MYOM2: variants seen among roughly 807,000 people sequenced by gnomAD.
MYOM2 encodes myomesin 2.
Under a neutral mutation model 187.6 loss-of-function variants are expected in MYOM2, and 254 were observed. The observed-to-expected ratio is 1.35, with a 90% CI of 1.22 to 1.50. The LOEUF (loss-of-function observed/expected upper bound fraction) is 1.50. MYOM2 is among the 40% of genes most tolerant of loss of function. The pLI, the probability that MYOM2 is intolerant of heterozygous loss-of-function variation, is 0.00. For synonymous variants in MYOM2, 981 were observed against 753.8 expected (o/e 1.30, Z -4.94); for missense variants, 2,796 against 1,924.0 (o/e 1.45, Z -8.48).
At position 2,052,182 on chromosome 8, in the gene MYOM2, C is replaced by A; in HGVS notation, c.132C>A (p.Ser44=). ...GGCGAGCTTCCACCCAGGCATCTTC[C>A]CAGAAGTCCTTGAGTCAGCGGTCGT... is the stretch of plus-strand genomic sequence containing the variant. The part of the protein sequence containing the change: ...SKKRASTQAS[S]QKSLSQRSSS... Residue 44 remains serine (S), a synonymous_variant, in exon 3 of 37, where the codon TCC becomes TCA. Transcript: ENST00000262113. 6.2e-7 allele frequency: 1 copy of A among 1,613,550 alleles called. No homozygotes were observed. Among genetic ancestry groups the A allele is most frequent in the East Asian group, 2.2e-5 (1 of 44,850 alleles).
intron 23 of MYOM2, among the ~76,000 whole-genome samples, chr8:2,108,039 A>T (rs1273537223): frequency 1.3e-5 from 2 of 152,182 alleles, no homozygotes; most frequent in Non-Finnish European, 2.9e-5. Flanking sequence ...TCCCTGTGAA[A>T]CCAGTTGCCA....
At chr8:2,109,608 A>C in intron 25 of MYOM2, 77 bp downstream of exon 25, 1 of 1,446,540 alleles carries the variant, frequency 6.9e-7, no homozygotes, top group East Asian at 2.4e-5. Context: ...CTGAATATCA[A>C]CATTCTCTGT....
At chr8:2,136,713 C>G (rs939479158) in intron 32 of MYOM2, among the ~76,000 whole-genome samples, 9 of 152,168 alleles carry the variant, frequency 5.9e-5, no homozygotes, top group African/African-American at 1.9e-4. Context: ...ACATTTACAG[C>G]TATTTTATGA....
rs1299264001 is a variant in MYOM2 at position 2,059,088 on chromosome 8, G to T, written c.561-65G>T. On this transcript the variant is annotated intron_variant, in intron 5 of 36. Transcript: ENST00000262113. ...GGGCAGCAGGCGCGGGGGAGCTGGG[G>T]CAGAATTGCACACACACAAAATACA... 2.9e-6 allele frequency: 4 copies of T among 1,393,210 alleles called. No individual in the cohort carries two copies. The Admixed American group carries it at 6.9e-5, about 24-fold the overall frequency. 86.3% of individuals were successfully genotyped at this position (1,393,210 alleles called of 1,614,324 possible).
intron 14 of MYOM2, 27 bp from the exon 15 acceptor site, chr8:2,089,981 C>G (rs1031464158): frequency 1.2e-6 from 2 of 1,610,186 alleles, no homozygotes; most frequent in African/African-American, 2.7e-5. Context: ...TTTTCACTGC[C>G]AGTCTCGTTT....
At chr8:2,106,829 T>C (rs1796910217) in intron 23 of MYOM2, among the ~76,000 whole-genome samples, 1 of 152,226 alleles carries the variant, frequency 6.6e-6, no homozygotes, top group African/African-American at 2.4e-5. Flanking sequence ...TGTATAGCCT[T>C]CAATTTGTAC....
chr8:2,068,365 C>A (rs977688433), intron 6 of MYOM2, among the ~76,000 whole-genome samples: 3 of 148,712 alleles, frequency 2.0e-5, no homozygotes, highest in Non-Finnish European at 4.4e-5. Flanking sequence ...CCCGTGTGCA[C>A]CAGGCGGAGA....
At chr8:2,128,646 G>A (rs1397577267) in intron 31 of MYOM2, among the ~76,000 whole-genome samples, 2 of 152,106 alleles carry the variant, frequency 1.3e-5, no homozygotes, top group South Asian at 4.1e-4. Context: ...GGTTTCTTCT[G>A]CTTTCCTTCC....
rs890010094 is a variant in MYOM2 at position 2,050,703 on chromosome 8, G to C, written c.-12-52G>C. 3.8e-6 allele frequency: 4 copies of C among 1,046,492 alleles called. No homozygotes were observed. In the African/African-American group the frequency reaches 4.7e-5, roughly 12 times the overall value. 64.8% of individuals were successfully genotyped at this position (1,046,492 alleles called of 1,614,324 possible). A position where few individuals can be genotyped will look rare whatever the true frequency, so the allele number is the denominator to read the frequency against. The stretch of plus-strand genomic sequence containing the variant: ...TTGGAATGATGCAGAAATGGCAGAG[G>C]CCTCATGATGCTTGCGAGGGAGCTC... On this transcript the variant is annotated intron_variant, in intron 1 of 36. Transcript: ENST00000262113.
At chr8:2,095,445 C>G (rs1173043258) in intron 17 of MYOM2, among the ~76,000 whole-genome samples, 1 of 152,096 alleles carries the variant, frequency 6.6e-6, no homozygotes, top group Non-Finnish European at 1.5e-5. Context: ...GCACCACCAC[C>G]ACGCCCAGCT....
chr8:2,051,409 C>T (rs566918767), intron 2 of MYOM2, among the ~76,000 whole-genome samples: 1 of 152,074 alleles, frequency 6.6e-6, no homozygotes, highest in Non-Finnish European at 1.5e-5. Flanking sequence ...AGCTCACGCC[C>T]CCATGGACAC....
In MYOM2 at chr8:2,064,457, G is replaced by C. The variant is rs559631306; in HGVS notation, c.654-4821G>C. On this transcript the variant is annotated intron_variant, in intron 6 of 36. Transcript: ENST00000262113. The stretch of plus-strand genomic sequence containing the variant: ...GAGTGGGGCCACCGCCGTCGTCAGT[G>C]GGTCGGGATCTTTGCTCCGGTGACG... Among the ~76,000 whole-genome samples the C allele has an allele frequency of 4.7e-4, 71 of 152,310 alleles. No individual in the cohort carries two copies. The Middle Eastern group carries it at 0.01, about 22-fold the overall frequency.
At chr8:2,126,475 C>G (rs575833205) in intron 31 of MYOM2, among the ~76,000 whole-genome samples, 1 of 152,118 alleles carries the variant, frequency 6.6e-6, no homozygotes, top group Admixed American at 6.5e-5. Context: ...CACACTCACA[C>G]ACTCATACAT....
intron 28 of MYOM2, among the ~76,000 whole-genome samples, chr8:2,119,878 G>A (rs1797367866): frequency 6.6e-6 from 1 of 152,122 alleles, no homozygotes; most frequent in Admixed American, 6.5e-5. Context: ...GGACAATGAG[G>A]GGGCGGGGGG....
chr8:2,057,717 G>A lies in MYOM2; in HGVS notation c.497G>A (p.Trp166Ter), dbSNP rs1430173927. 6.2e-7 allele frequency: 1 copy of A among 1,614,030 alleles called. No individual in the cohort carries two copies. The highest frequency in any genetic ancestry group is 8.5e-7 in the Non-Finnish European group (1 of 1,180,030). Residue 166 changes from tryptophan (W) to a stop codon, truncating the protein, a stop_gained, in exon 5 of 37, where the codon TGG becomes TAG. Coordinates refer to ENST00000262113, the MANE Select transcript of MYOM2 (RefSeq NM_003970.4). LOFTEE classifies it high-confidence loss of function. ...ILVRLRSHTV[W>*]ERMSVKLCFT... ...GTGCGGCTGCGATCCCACACCGTCT[G>A]GGAGAGGATGTCTGTGAAACTCTGC...
At chr8:2,088,438 G>A (rs1796170764) in intron 14 of MYOM2, among the ~76,000 whole-genome samples, 1 of 152,174 alleles carries the variant, frequency 6.6e-6, no homozygotes, top group African/African-American at 2.4e-5. Context: ...GCTCTGTCTG[G>A]TAGGCCTCAG....
chr8:2,068,379 T>TC (rs1259251951), intron 6 of MYOM2, among the ~76,000 whole-genome samples: 1 of 144,024 alleles, frequency 6.9e-6, no homozygotes, highest in African/African-American at 2.7e-5. Context: ...GCGGAGAGCA[T>TC]CCTGGGGACA....
intron 32 of MYOM2, among the ~76,000 whole-genome samples, chr8:2,135,616 A>C (rs1409105545): frequency 6.6e-6 from 1 of 152,200 alleles, no homozygotes; most frequent in Non-Finnish European, 1.5e-5. Context: ...GCTTTCTTCT[A>C]TCCTCCACTG....
rs151242635 is a variant in MYOM2, at chr8:2,073,436, G to C, written c.1056G>C (p.Leu352=). 43 of 1,612,514 alleles carry C rather than the reference G, an allele frequency of 2.7e-5. No individual in the cohort carries two copies. The highest frequency in any genetic ancestry group is 3.3e-4 in the Middle Eastern group (2 of 6,080). ...FSHLHKDDEG[L]YTLRIVSRGG... ...ACCTGCACAAGGACGACGAGGGCCT[G>C]TACACCCTGCGCATCGTGTCTCGGG... The change falls in exon 10 of 37, where the codon CTG becomes CTC. Residue 352 remains leucine, a synonymous_variant. Transcript: ENST00000262113.
Sources: allele counts gnomAD v4.1 joint callset (sites outside exome capture counted in the v4.1 genomes callset), GRCh38; gene constraint gnomAD v4.1.1; transcripts MANE v1.5; gene names NCBI Gene and HGNC (gene_info 2026-07-23, HGNC 2026-07-21).